ARFGEF2: variants seen among roughly 807,000 people sequenced by gnomAD.
ARFGEF2 encodes brefeldin A-inhibited guanine nucleotide-exchange protein 2.
In ARFGEF2, 74 loss-of-function variants were observed where a neutral mutation model predicts 219.9. That is an observed-to-expected ratio of 0.34 (90% CI 0.28 to 0.41). The LOEUF (loss-of-function observed/expected upper bound fraction) is 0.41. ARFGEF2 is among the 10% of genes least tolerant of loss of function. ARFGEF2 has a pLI of 1.00. For missense variants in ARFGEF2, 1,743 were observed against 2,218.3 expected, an observed-to-expected ratio of 0.79 and a Z score of 4.30; for synonymous variants, 733 against 799.2, an observed-to-expected ratio of 0.92 and a Z score of 1.40.
chr20:48,960,695 C>T (rs2091143072), intron 6 of ARFGEF2, among the ~76,000 whole-genome samples: 1 of 151,452 alleles, frequency 6.6e-6, no homozygotes, highest in African/African-American at 2.4e-5. Context: ...GTTGACCAGG[C>T]TGGTCTCGAA....
intron 30 of ARFGEF2, among the ~76,000 whole-genome samples, chr20:49,015,517 A>C (rs183809924): frequency 6.6e-6 from 1 of 152,294 alleles, no homozygotes; most frequent in Admixed American, 6.5e-5. Context: ...TCTGGACAGC[A>C]CTGAAATGAA....
At chr20:49,024,696 A>C (rs529451922) in intron 35 of ARFGEF2, among the ~76,000 whole-genome samples, 28 of 152,278 alleles carry the variant, frequency 1.8e-4, no homozygotes, top group African/African-American at 6.5e-4. Flanking sequence ...GGTTTCATAC[A>C]TGTTTCAAGA....
At chr20:48,957,491 G>A (rs1284899966) in intron 6 of ARFGEF2, among the ~76,000 whole-genome samples, 1 of 152,224 alleles carries the variant, frequency 6.6e-6, no homozygotes, top group Non-Finnish European at 1.5e-5. Context: ...AACAGATAGG[G>A]TCTGGTGCCT....
intron 13 of ARFGEF2, among the ~76,000 whole-genome samples, chr20:48,975,196 T>C (rs143730781): frequency 1.3e-5 from 2 of 152,322 alleles, no homozygotes; most frequent in African/African-American, 2.4e-5. Context: ...TTTTAATTTT[T>C]TTAAAGAGAC....
At position 49,016,297 on chromosome 20, in the gene ARFGEF2, A is replaced by G; in HGVS notation, c.4197A>G (p.Thr1399=). Residue 1399 remains threonine (T), a synonymous_variant, in exon 31 of 39, where the codon ACA becomes ACG. Coordinates refer to ENST00000371917, the MANE Select transcript of ARFGEF2 (RefSeq NM_006420.3). ...TTTCCCAGAAATCTGAGTGGATGAC[A>G]ACAACCTGCAATCACGCACTTTATG... is the stretch of plus-strand genomic sequence containing the variant. ...EQLSEKSEWM[T]TTCNHALYAI... The G allele has an allele frequency of 6.2e-7, 1 of 1,614,056 alleles. No individual in the cohort carries two copies. The highest frequency in any genetic ancestry group is 1.3e-5 in the African/African-American group (1 of 75,054).
intron 1 of ARFGEF2, among the ~76,000 whole-genome samples, chr20:48,923,922 C>T (rs923159317): frequency 1.3e-5 from 2 of 152,248 alleles, no homozygotes; most frequent in East Asian, 3.9e-4. Flanking sequence ...TAGTGGAATG[C>T]ATGTTTTCAG....
At chr20:48,943,349 T>C (rs1321932850) in intron 3 of ARFGEF2, among the ~76,000 whole-genome samples, 3 of 152,216 alleles carry the variant, frequency 2.0e-5, no homozygotes, top group African/African-American at 4.8e-5. Flanking sequence ...CTGCAAATAA[T>C]GAAGACTGAC....
chr20:48,969,448 T>G (rs930138851), intron 9 of ARFGEF2, among the ~76,000 whole-genome samples, 171 bp downstream of exon 9: 1 of 152,254 alleles, frequency 6.6e-6, no homozygotes, highest in Admixed American at 6.5e-5. Flanking sequence ...TAGAGTCCTT[T>G]CATATGGAAT....
chr20:48,959,642 C>G (rs2091133104), intron 6 of ARFGEF2, among the ~76,000 whole-genome samples: 1 of 135,556 alleles, frequency 7.4e-6, no homozygotes, highest in East Asian at 2.5e-4. Flanking sequence ...CAGGTTCTCA[C>G]TCTGTCACCC....
chr20:48,964,429 G>A (rs12481444), intron 7 of ARFGEF2, among the ~76,000 whole-genome samples: 4 of 152,152 alleles, frequency 2.6e-5, no homozygotes, highest in Non-Finnish European at 2.9e-5. Context: ...TAGTCTGACT[G>A]TGTTAGGCTT....
In ARFGEF2 at chr20:49,036,116, G is replaced by GT; in HGVS notation, c.*2919dup. 2.5e-6 allele frequency: 1 copy of GT among 398,126 alleles called. No individual in the cohort carries two copies. The highest frequency in any genetic ancestry group is 4.4e-6 in the Non-Finnish European group (1 of 225,872). 24.7% of individuals were successfully genotyped at this position (398,126 alleles called of 1,614,324 possible). ...GTGTGACCATCTCATTCAAATGTTT[G>GT]TTGTTATGATGCAAATGGATATTGG... On this transcript the variant is annotated 3_prime_UTR_variant, in exon 39 of 39. Coordinates refer to ENST00000371917, the MANE Select transcript of ARFGEF2 (RefSeq NM_006420.3).
chr20:48,996,811 T>TC (rs2091392999), intron 23 of ARFGEF2, among the ~76,000 whole-genome samples: 1 of 150,084 alleles, frequency 6.7e-6, no homozygotes. Flanking sequence ...TTTTTTTTTT[T>TC]CTCCCCTCAA....
chr20:49,031,421 G>T (rs1263635485), intron 37 of ARFGEF2, among the ~76,000 whole-genome samples: 2 of 151,750 alleles, frequency 1.3e-5, no homozygotes, highest in Admixed American at 1.3e-4. Flanking sequence ...GTAGAAATGG[G>T]GGTTTGCTAC....
At chr20:48,955,345 T>C (rs555997881) in intron 6 of ARFGEF2, among the ~76,000 whole-genome samples, 9 of 152,310 alleles carry the variant, frequency 5.9e-5, no homozygotes, top group African/African-American at 1.2e-4. Context: ...TCTGATCAAC[T>C]TCTGTAGCTC....
In ARFGEF2 at chr20:48,951,338, G is replaced by C. The variant is rs180938877; in HGVS notation, c.292G>C (p.Gly98Arg). The change falls in exon 4 of 39, where the codon GGG (glycine) becomes CGG (arginine). Residue 98 changes from glycine to arginine, a missense_variant. Around this residue, in one of 5 missense-constraint regions of ARFGEF2, gnomAD observed 394 missense variants for 426.6 expected, o/e 0.92. Coordinates refer to ENST00000371917, the MANE Select transcript of ARFGEF2 (RefSeq NM_006420.3). ...LDCLQKLIAY[G>R]HITGNAPDSG... ...CTCTCTTTAGAAACTCATCGCATAC[G>C]GGCACATCACTGGCAACGCCCCTGA... is the stretch of plus-strand genomic sequence containing the variant. The C allele has an allele frequency of 1.2e-6, 2 of 1,614,096 alleles. No homozygotes were observed. The highest frequency in any genetic ancestry group is 1.7e-6 in the Non-Finnish European group (2 of 1,180,010).
rs781638690 is a variant in ARFGEF2 at position 48,969,249 on chromosome 20, C to A, written c.1162C>A (p.Pro388Thr). The stretch of plus-strand genomic sequence containing the variant: ...CTCCCTGTGCAAGCTGTCCATGAAA[C>A]CCCTTGGTGAAGGCCCTCCAGACCC... Reference protein sequence around the residue: ...FRSLCKLSMKPLGEGPPDPKS... With the variant: ...FRSLCKLSMKTLGEGPPDPKS... The change falls in exon 9 of 39, where the codon CCC becomes ACC. Residue 388 changes from proline (P) to threonine (T), a missense_variant. Physicochemically the swap from Pro to Thr is conservative, Grantham distance 38. Transcript: ENST00000371917. The A allele has an allele frequency of 3.1e-6, 5 of 1,614,240 alleles. No individual in the cohort carries two copies. In the South Asian group the frequency reaches 3.3e-5, roughly 11 times the overall value.
At chr20:48,982,786 G>C (rs546752739) in intron 14 of ARFGEF2, among the ~76,000 whole-genome samples, 1 of 152,184 alleles carries the variant, frequency 6.6e-6, no homozygotes, top group Non-Finnish European at 1.5e-5. Flanking sequence ...CTCCGTGGGC[G>C]TGGGACCTGC....
intron 3 of ARFGEF2, among the ~76,000 whole-genome samples, chr20:48,946,551 CCTTT>C (rs1239799806): frequency 1.3e-5 from 2 of 151,330 alleles, no homozygotes; most frequent in African/African-American, 4.9e-5. Context: ...AAAGGAAACA[CCTTT>C]CATTCTGTTA....
At chr20:48,953,224 G>C (rs893240195) in intron 5 of ARFGEF2, among the ~76,000 whole-genome samples, 1 of 144,632 alleles carries the variant, frequency 6.9e-6, no homozygotes, top group African/African-American at 2.6e-5. Flanking sequence ...TATCCAAGCT[G>C]GAGCGCAGTG....
Sources: allele counts gnomAD v4.1 joint callset (sites outside exome capture counted in the v4.1 genomes callset), GRCh38; gene constraint gnomAD v4.1.1; regional missense constraint gnomAD v4.1.1; transcripts MANE v1.5; gene names NCBI Gene and HGNC (gene_info 2026-07-23, HGNC 2026-07-21).